PAX2: variants seen among roughly 807,000 people sequenced by gnomAD.
PAX2 encodes the protein paired box 2, also known as paired box protein Pax-2.
In PAX2, 9 loss-of-function variants were observed where a neutral mutation model predicts 41.7. The ratio of observed to expected loss-of-function variants is 0.22; its 90% CI spans 0.13 to 0.38. PAX2 has a LOEUF of 0.38. Among genes scored for constraint, PAX2 ranks in the 10% least tolerant of loss-of-function variants. The probability of loss-of-function intolerance (pLI) is 1.00; values close to 1 mark genes in which losing one functional copy is unlikely to be tolerated. For synonymous variants in PAX2, 221 were observed against 212.7 expected (o/e 1.04, Z -0.34); for missense variants, 418 against 531.6 (o/e 0.79, Z 2.10).
chr10:100,783,705 A>C (rs1341439450), intron 5 of PAX2, among the ~76,000 whole-genome samples: 1 of 131,920 alleles, frequency 7.6e-6, no homozygotes, highest in Non-Finnish European at 1.5e-5. Context: ...TCTGAGCAGG[A>C]AGGGACAGGA....
chr10:100,770,148 A>G (rs1189881414), intron 3 of PAX2, among the ~76,000 whole-genome samples: 2 of 152,222 alleles, frequency 1.3e-5, no homozygotes, highest in Non-Finnish European at 2.9e-5. Flanking sequence ...CCAGGCAGTC[A>G]CTAGCGGGCC....
intron 3 of PAX2, among the ~76,000 whole-genome samples, chr10:100,751,172 A>G (rs1156938296): frequency 6.6e-6 from 1 of 152,202 alleles, no homozygotes; most frequent in African/African-American, 2.4e-5. Flanking sequence ...CTCCAAGATT[A>G]CGAGCATCCA....
chr10:100,785,728 G>A (rs1456057763), intron 5 of PAX2, among the ~76,000 whole-genome samples: 1 of 152,194 alleles, frequency 6.6e-6, no homozygotes, highest in East Asian at 1.9e-4. Flanking sequence ...GCTTGAGGCA[G>A]CAGAAGGTTG....
chr10:100,747,841 C>T, intron 1 of PAX2: 1 of 985,026 alleles, frequency 1.0e-6, no homozygotes, highest in Non-Finnish European at 1.2e-6. Flanking sequence ...TTTCGCCCAG[C>T]CAGCCTGCCT....
chr10:100,788,721 T>G (rs981960506), intron 5 of PAX2, among the ~76,000 whole-genome samples: 5 of 151,982 alleles, frequency 3.3e-5, no homozygotes, highest in African/African-American at 9.7e-5. Context: ...ACTATTTTAG[T>G]GGGATGGGAT....
At chr10:100,816,064 T>C (rs1469284273) in intron 7 of PAX2, among the ~76,000 whole-genome samples, 1 of 152,208 alleles carries the variant, frequency 6.6e-6, no homozygotes, top group Non-Finnish European at 1.5e-5. Flanking sequence ...CTTCCCTCTG[T>C]CCGTGAGGCC....
At chr10:100,822,193 A>G (rs188387663) in intron 7 of PAX2, among the ~76,000 whole-genome samples, 2 of 152,302 alleles carry the variant, frequency 1.3e-5, no homozygotes, top group Admixed American at 1.3e-4. Flanking sequence ...GTTTTAGGAA[A>G]TGAAAGATAT....
intron 3 of PAX2, among the ~76,000 whole-genome samples, chr10:100,765,784 AAC>A (rs34862474): frequency 0.23 from 35,143 of 150,900 alleles, 4,474 homozygotes; most frequent in Middle Eastern, 0.35. Flanking sequence ...CTCTGCTTAA[AAC>A]ACACACACAC....
chr10:100,827,015 A>C lies in PAX2; in HGVS notation c.1028A>C (p.Glu343Ala). 6.2e-7 allele frequency: 1 copy of C among 1,612,828 alleles called. No individual in the cohort carries two copies. Among genetic ancestry groups the C allele is most frequent in the Non-Finnish European group, 8.5e-7 (1 of 1,178,940 alleles). Residue 343 changes from glutamate (E) to alanine (A), a missense_variant, in exon 9 of 10, where the codon GAG (glutamate) becomes GCG (alanine). This residue lies in a region of PAX2 where 310 missense variants were observed against 325.2 expected (regional missense o/e 0.95). Transcript: ENST00000355243. The surrounding 1 kb of genome is among the most constrained non-coding windows in gnomAD (Gnocchi z 8.5). ...CTCCCCGACCCTCCCGCAGGGAGCG[A>C]GTTCTCCGGCAACCCGTACAGCCAC... ...STLAGMVPGS[E>A]FSGNPYSHPQ...
chr10:100,785,030 G>A (rs549047992), intron 5 of PAX2, among the ~76,000 whole-genome samples: 4 of 152,280 alleles, frequency 2.6e-5, no homozygotes, highest in Admixed American at 6.5e-5. Flanking sequence ...CCATCAGTCC[G>A]AGAAGGTAGA....
At chr10:100,817,408 A>G (rs1203931107) in intron 7 of PAX2, among the ~76,000 whole-genome samples, 1 of 152,190 alleles carries the variant, frequency 6.6e-6, no homozygotes, top group Non-Finnish European at 1.5e-5. Context: ...ATTTCCATCC[A>G]TGGTCCAGCT....
intron 3 of PAX2, among the ~76,000 whole-genome samples, chr10:100,756,058 T>C (rs902855970): frequency 8.5e-5 from 13 of 152,318 alleles, no homozygotes; most frequent in South Asian, 4.2e-4. Flanking sequence ...GGGCTTGTTC[T>C]GGTGCACATG....
At position 100,748,199 on chromosome 10, in the gene PAX2, A is replaced by G. The variant is rs1845274480; in HGVS notation, c.44-1547A>G. On this transcript the variant is annotated intron_variant, in intron 1 of 9. Coordinates refer to ENST00000355243, the MANE Select transcript of PAX2 (RefSeq NM_000278.5). The surrounding 1 kb of genome is among the most constrained non-coding windows in gnomAD (Gnocchi z 5.0). ...TGAGCCCGGGGAGGCTGAATTATTC[A>G]TCTTTAATCTGCCCGCAGCTGCCGC... is the stretch of plus-strand genomic sequence containing the variant. 1 of 984,990 alleles carries G rather than the reference A, an allele frequency of 1.0e-6. No homozygotes were observed. The highest frequency in any genetic ancestry group is 4.7e-5 in the South Asian group (1 of 21,260). The allele number at this position is 984,990 out of a possible 1,614,324, so 61.0% of individuals were successfully genotyped here.
chr10:100,750,006 C>A lies in PAX2; in HGVS notation c.212+92C>A. 2.1e-6 allele frequency: 3 copies of A among 1,434,876 alleles called. No individual in the cohort carries two copies. The highest frequency in any genetic ancestry group is 2.9e-6 in the Non-Finnish European group (3 of 1,051,686). 88.9% of individuals were successfully genotyped at this position (1,434,876 alleles called of 1,614,324 possible). A position where few individuals can be genotyped will look rare whatever the true frequency, so the allele number is the denominator to read the frequency against. On this transcript the variant is annotated intron_variant, in intron 2 of 9. Transcript: ENST00000355243. This position sits in a 1 kb window ranked among gnomAD's most constrained non-coding sequence, Gnocchi z 4.1. ...CTGGAGGACGTGGCTAAAAGTCCAG[C>A]GTGCCAAGCCAGAGAGGGAGATCCC...
At chr10:100,820,739 T>C (rs1848355486) in intron 7 of PAX2, among the ~76,000 whole-genome samples, 1 of 152,154 alleles carries the variant, frequency 6.6e-6, no homozygotes, top group Admixed American at 6.5e-5. Context: ...AAAAACAACT[T>C]TGTAACCTTG....
At chr10:100,819,790 T>C (rs1477309539) in intron 7 of PAX2, among the ~76,000 whole-genome samples, 4 of 152,222 alleles carry the variant, frequency 2.6e-5, no homozygotes, top group African/African-American at 9.7e-5. Context: ...CTACAATTTT[T>C]CAACTTTCTT....
At chr10:100,788,201 G>A (rs866830375) in intron 5 of PAX2, among the ~76,000 whole-genome samples, 20 of 152,232 alleles carry the variant, frequency 1.3e-4, no homozygotes, top group African/African-American at 4.6e-4. Flanking sequence ...TGCTGAGATT[G>A]CTCCCCCTGC....
chr10:100,770,556 C>T (rs1846175102), intron 3 of PAX2, among the ~76,000 whole-genome samples: 1 of 152,224 alleles, frequency 6.6e-6, no homozygotes, highest in Non-Finnish European at 1.5e-5. Context: ...ATCATATAAA[C>T]CATCACTATT....
Position 100,748,020 on chromosome 10 carries a change from G to A in PAX2, c.43+1717G>A. ...CGCGGGCCCGCGGGCCGGTGGACTG[G>A]TGGGTGAGACACCGCAGCCCGAGTC... is the stretch of plus-strand genomic sequence containing the variant. On this transcript the variant is annotated intron_variant, in intron 1 of 9. Coordinates refer to ENST00000355243, the MANE Select transcript of PAX2 (RefSeq NM_000278.5). The surrounding 1 kb of genome is among the most constrained non-coding windows in gnomAD (Gnocchi z 5.0). The A allele has an allele frequency of 1.0e-6, 1 of 984,918 alleles. No individual in the cohort carries two copies. The highest frequency in any genetic ancestry group is 1.2e-6 in the Non-Finnish European group (1 of 829,914). The allele number at this position is 984,918 out of a possible 1,614,324, so 61.0% of individuals were successfully genotyped here. A position where few individuals can be genotyped will look rare whatever the true frequency, so the allele number is the denominator to read the frequency against.
Sources: gnomAD v4.1 joint callset for allele counts (sites outside exome capture counted in the v4.1 genomes callset) on GRCh38, gnomAD v4.1.1 for gene constraint, gnomAD v4.1.1 regional missense constraint, Gnocchi (gnomAD v3.1) non-coding constraint, MANE v1.5 for transcripts, NCBI Gene and HGNC (gene_info 2026-07-23, HGNC 2026-07-21) for gene names.